The following PSMD13 variants were observed in gnomAD, a reference collection of about 807,000 sequenced individuals.
PSMD13 encodes the protein proteasome 26S subunit, non-ATPase 13, also known as 26S proteasome non-ATPase regulatory subunit 13.
In PSMD13, 8 loss-of-function variants were observed where a neutral mutation model predicts 57.4. That is an observed-to-expected ratio of 0.14 (90% CI 0.08 to 0.25). The LOEUF is 0.25. Ranked by LOEUF, PSMD13 falls within the 10% of genes least tolerant of loss-of-function variation. The probability of loss-of-function intolerance (pLI) is 1.00; values close to 1 mark genes in which losing one functional copy is unlikely to be tolerated. For missense variants in PSMD13, 400 were observed against 461.5 expected (o/e 0.87, Z 1.22); for synonymous variants, 193 against 168.2 (o/e 1.15, Z -1.14).
chr11:237,232 T>A, intron 1 of PSMD13, 88 bp downstream of exon 1: 1 of 1,302,862 alleles, frequency 7.7e-7, no homozygotes, highest in Non-Finnish European at 1.1e-6. Context: ...CTTGATGGGC[T>A]GAGGGCGCCC....
At chr11:250,444 C>G (rs899521482) in intron 9 of PSMD13, among the ~76,000 whole-genome samples, 1 of 152,212 alleles carries the variant, frequency 6.6e-6, no homozygotes, top group African/African-American at 2.4e-5. Flanking sequence ...GAAAGAACCC[C>G]CCTGGGCAGT....
In PSMD13 at chr11:251,486, A is replaced by G. The variant is rs1859763573; in HGVS notation, c.838-60A>G. The G allele has an allele frequency of 1.4e-6, 2 of 1,399,860 alleles. No individual in the cohort carries two copies. The highest frequency in any genetic ancestry group is 1.8e-4 in the Middle Eastern group (1 of 5,416). The allele number at this position is 1,399,860 out of a possible 1,614,324, so 86.7% of individuals were successfully genotyped here. ...GAGCCAATATTGACAAAACATCCTTATCAGTTCTCTATTTTTATTTGGAAA... is the reference window on the plus strand; with the variant it reads ...GAGCCAATATTGACAAAACATCCTTGTCAGTTCTCTATTTTTATTTGGAAA... On this transcript the variant is annotated intron_variant, in intron 10 of 12. Transcript: ENST00000532097. The surrounding 1 kb of genome is among the most constrained non-coding windows in gnomAD (Gnocchi z 4.6).
At chr11:239,847 C>G (rs1336427054) in intron 2 of PSMD13, among the ~76,000 whole-genome samples, 1 of 152,072 alleles carries the variant, frequency 6.6e-6, no homozygotes, top group Non-Finnish European at 1.5e-5. Context: ...ATCAGAGATT[C>G]ATACCAGCAT....
Position 247,432 on chromosome 11 carries a change from C to T in PSMD13, c.552C>T (p.Asp184=). ...KDALRFLGCV[D]IKDLPVSEQQ... is the part of the protein sequence containing the mutation. The stretch of plus-strand genomic sequence containing the variant: ...CTCTGCGGTTTTTGGGCTGTGTTGA[C>T]ATCAAGGATCTACCAGGTAACCTAG... The change falls in exon 7 of 13, where the codon GAC becomes GAT. Residue 184 remains aspartate (D), a synonymous_variant. Transcript: ENST00000532097. 1.2e-6 allele frequency: 2 copies of T among 1,612,970 alleles called. No individual in the cohort carries two copies. Among genetic ancestry groups the T allele is most frequent in the Non-Finnish European group, 1.7e-6 (2 of 1,179,426 alleles).
At chr11:249,287 A>T (rs543328097) in intron 9 of PSMD13, among the ~76,000 whole-genome samples, 2 of 152,172 alleles carry the variant, frequency 1.3e-5, no homozygotes, top group South Asian at 4.2e-4. Flanking sequence ...ACAGAATCGA[A>T]TGTGGGCCCT....
In PSMD13 at chr11:251,721, A is replaced by C; in HGVS notation, c.918+95A>C. ...AGCGCTGTGCTCCCTAGACAGTAAA[A>C]AATGACGGGAGGAGCGGCATCTGCT... On this transcript the variant is annotated intron_variant, in intron 11 of 12. Transcript: ENST00000532097. The surrounding 1 kb of genome is among the most constrained non-coding windows in gnomAD (Gnocchi z 4.6). The C allele has an allele frequency of 6.5e-7, 1 of 1,535,608 alleles. No homozygotes were observed. The highest frequency in any genetic ancestry group is 9.0e-7 in the Non-Finnish European group (1 of 1,113,918).
At chr11:241,987 G>A (rs1299206662) in intron 2 of PSMD13, among the ~76,000 whole-genome samples, 1 of 151,912 alleles carries the variant, frequency 6.6e-6, no homozygotes, top group East Asian at 1.9e-4. Flanking sequence ...GTTTGTTACT[G>A]TCTGGAATGT....
intron 5 of PSMD13, 57 bp from the exon 6 acceptor site, chr11:244,618 T>G: frequency 6.4e-7 from 1 of 1,554,630 alleles, no homozygotes; most frequent in Non-Finnish European, 8.8e-7. Context: ...GCTAGCTTCC[T>G]TTGTTAGTCA....
In PSMD13 at chr11:252,137, C is replaced by T. The variant is rs371343438; in HGVS notation, c.1035+201C>T. 510 of 556,806 alleles carry T rather than the reference C, an allele frequency of 9.2e-4. No homozygotes were observed. The highest frequency in any genetic ancestry group is 7.8e-3 in the African/African-American group (415 of 53,064). The allele number at this position is 556,806 out of a possible 1,614,324, so 34.5% of individuals were successfully genotyped here. A position where few individuals can be genotyped will look rare whatever the true frequency, so the allele number is the denominator to read the frequency against. ...AGGGTTTGAACCCTGCATTTAAAAG[C>T]TTATGATGACAATGGCACTGGTTGT... On this transcript the variant is annotated intron_variant, in intron 12 of 12. Coordinates refer to ENST00000532097, the MANE Select transcript of PSMD13 (RefSeq NM_002817.4). The surrounding 1 kb of genome is among the most constrained non-coding windows in gnomAD (Gnocchi z 4.1).
chr11:244,785 T>A (rs572004995), intron 6 of PSMD13, 24 bp downstream of exon 6: 1 of 1,503,236 alleles, frequency 6.7e-7, no homozygotes, highest in African/African-American at 1.4e-5. Context: ...AATACAGATT[T>A]ATCTTTGGTT....
chr11:243,905 G>T, intron 2 of PSMD13, 136 bp from the exon 3 acceptor site: 1 of 771,194 alleles, frequency 1.3e-6, no homozygotes, highest in South Asian at 1.6e-5. Context: ...TGCTTACTGT[G>T]TGCTGGGCAC....
At chr11:246,614 A>T (rs191729893) in intron 6 of PSMD13, among the ~76,000 whole-genome samples, 1 of 152,214 alleles carries the variant, frequency 6.6e-6, no homozygotes, top group South Asian at 2.1e-4. Flanking sequence ...ATGTATGCCT[A>T]GAGACTACAG....
intron 1 of PSMD13, among the ~76,000 whole-genome samples, chr11:238,096 G>A (rs1859402543): frequency 6.6e-6 from 1 of 152,228 alleles, no homozygotes; most frequent in South Asian, 2.1e-4. Context: ...TTAAATATTA[G>A]CCTTTGGGTT....
At chr11:247,233 A>T in intron 6 of PSMD13, 44 bp from the exon 7 acceptor site, 3 of 1,560,066 alleles carry the variant, frequency 1.9e-6, no homozygotes, top group Non-Finnish European at 2.6e-6. Context: ...AATAAAATAA[A>T]CTTTTAACTT....
chr11:244,499 AGTACCTT>A (rs750110082), intron 5 of PSMD13, 30 bp downstream of exon 5: 1 of 93,364 alleles, frequency 1.1e-5, no homozygotes, highest in Non-Finnish European at 1.3e-5. Flanking sequence ...AATACCTTTT[AGTACCTT>A]TTAGAGTATG....
At chr11:237,329 G>A (rs1859311510) in intron 1 of PSMD13, among the ~76,000 whole-genome samples, 185 bp downstream of exon 1, 1 of 152,228 alleles carries the variant, frequency 6.6e-6, no homozygotes, top group African/African-American at 2.4e-5. Context: ...CAGGGTCGAG[G>A]AATAAGAGGG....
In PSMD13 at chr11:252,132, A is replaced by T. The variant is rs1319375661; in HGVS notation, c.1035+196A>T. 5 of 565,298 alleles carry T rather than the reference A, an allele frequency of 8.8e-6. No homozygotes were observed. In the African/African-American group the frequency reaches 9.4e-5, roughly 11 times the overall value. 35.0% of individuals were successfully genotyped at this position (565,298 alleles called of 1,614,324 possible). On this transcript the variant is annotated intron_variant, in intron 12 of 12. Coordinates refer to ENST00000532097, the MANE Select transcript of PSMD13 (RefSeq NM_002817.4). The surrounding 1 kb of genome is among the most constrained non-coding windows in gnomAD (Gnocchi z 4.1). ...AGCCTAGGGTTTGAACCCTGCATTT[A>T]AAAGCTTATGATGACAATGGCACTG... is the stretch of plus-strand genomic sequence containing the variant.
At position 252,737 on chromosome 11, in the gene PSMD13, G is replaced by C; in HGVS notation, c.*137G>C. The C allele has an allele frequency of 1.3e-6, 1 of 761,350 alleles. No individual in the cohort carries two copies. Among genetic ancestry groups the C allele is most frequent in the Non-Finnish European group, 2.1e-6 (1 of 466,246 alleles). 47.2% of individuals were successfully genotyped at this position (761,350 alleles called of 1,614,324 possible). Reference sequence around the variant, plus strand: ...CCTGTCTGAAGTACAGACTGTTCTTGCTCTAAAAACAGGACTGTCCCTGAT... The same window carrying C: ...CCTGTCTGAAGTACAGACTGTTCTTCCTCTAAAAACAGGACTGTCCCTGAT... On this transcript the variant is annotated 3_prime_UTR_variant, in exon 13 of 13. Coordinates refer to ENST00000532097, the MANE Select transcript of PSMD13 (RefSeq NM_002817.4). This position sits in a 1 kb window ranked among gnomAD's most constrained non-coding sequence, Gnocchi z 4.1.
intron 2 of PSMD13, among the ~76,000 whole-genome samples, chr11:239,310 A>G (rs1859466390): frequency 6.6e-6 from 1 of 152,256 alleles, no homozygotes; most frequent in Admixed American, 6.5e-5. Flanking sequence ...CTTACCATAG[A>G]TCACTGCTGA....
Sources: allele counts gnomAD v4.1 joint callset (sites outside exome capture counted in the v4.1 genomes callset), GRCh38; gene constraint gnomAD v4.1.1; non-coding constraint Gnocchi (gnomAD v3.1); transcripts MANE v1.5; gene names NCBI Gene and HGNC (gene_info 2026-07-23, HGNC 2026-07-21).